The following CACNA2D3 variants were observed in gnomAD, a reference collection of about 807,000 sequenced individuals.
CACNA2D3 encodes voltage-dependent calcium channel subunit alpha-2/delta-3.
CACNA2D3 carries 60 observed loss-of-function variants against 160.6 expected under a neutral mutation model. The observed-to-expected ratio is 0.37, with a 90% confidence interval of 0.30 to 0.46. CACNA2D3 has a LOEUF of 0.46. Among genes scored for constraint, CACNA2D3 ranks in the 20% least tolerant of loss-of-function variants. The pLI, the probability that CACNA2D3 is intolerant of heterozygous loss-of-function variation, is 1.00. For synonymous variants in CACNA2D3, 558 were observed against 492.9 expected (o/e 1.13, Z -1.75); for missense variants, 1,205 against 1,365.0 (o/e 0.88, Z 1.85).
chr3:54,832,410 A>G (rs2106748576), intron 14 of CACNA2D3, among the ~76,000 whole-genome samples: 1 of 152,264 alleles, frequency 6.6e-6, no homozygotes, highest in South Asian at 2.1e-4. Context: ...GGACTTTCCT[A>G]AAGGAAGTGG....
rs76203691 is a variant in CACNA2D3, at chr3:54,158,065, C to G, written c.204+34471C>G. 4.2e-4 allele frequency among the ~76,000 whole-genome samples: 64 copies of G among 152,326 alleles called. 4 individuals carry two copies. In the East Asian group the frequency reaches 0.012, roughly 29 times the overall value. ...GAAGCACTGAAGATTGCCCTGTCTC[C>G]TGTGTTGCCTGTAATCTCTGGCCTT... On this transcript the variant is annotated intron_variant, in intron 2 of 37. Coordinates refer to ENST00000474759, the MANE Select transcript of CACNA2D3 (RefSeq NM_018398.3).
intron 11 of CACNA2D3, among the ~76,000 whole-genome samples, chr3:54,687,936 C>T (rs1700500385): frequency 6.6e-6 from 1 of 152,210 alleles, no homozygotes; most frequent in African/African-American, 2.4e-5. Context: ...ACACCTTAGC[C>T]AACAGGTTTT....
intron 4 of CACNA2D3, among the ~76,000 whole-genome samples, chr3:54,447,711 T>G (rs566557765): frequency 6.6e-6 from 1 of 152,336 alleles, no homozygotes; most frequent in South Asian, 2.1e-4. Context: ...ATCCTGACTT[T>G]CCTGTTCTTT....
chr3:54,807,340 A>G (rs925447282), intron 13 of CACNA2D3, among the ~76,000 whole-genome samples: 5 of 152,184 alleles, frequency 3.3e-5, no homozygotes, highest in African/African-American at 9.7e-5. Flanking sequence ...TCTACAATGA[A>G]CTCAAACAAA....
chr3:54,261,128 T>C (rs1194909176), intron 2 of CACNA2D3, among the ~76,000 whole-genome samples: 1 of 152,236 alleles, frequency 6.6e-6, no homozygotes, highest in Non-Finnish European at 1.5e-5. Flanking sequence ...AGCCTACTCA[T>C]TCCTCTGAGC....
intron 14 of CACNA2D3, among the ~76,000 whole-genome samples, chr3:54,833,078 A>G (rs1490650544): frequency 6.6e-6 from 1 of 152,206 alleles, no homozygotes; most frequent in Non-Finnish European, 1.5e-5. Context: ...TACATGCATG[A>G]TTAACTTGGG....
chr3:54,165,920 G>A (rs1455844074), intron 2 of CACNA2D3, among the ~76,000 whole-genome samples: 1 of 152,144 alleles, frequency 6.6e-6, no homozygotes, highest in Non-Finnish European at 1.5e-5. Context: ...GCAACCATGT[G>A]GTCACCAGAA....
chr3:54,757,646 G>T (rs1418465488), intron 12 of CACNA2D3, among the ~76,000 whole-genome samples: 1 of 152,216 alleles, frequency 6.6e-6, no homozygotes, highest in Non-Finnish European at 1.5e-5. Context: ...AGATGGTGAT[G>T]CTTGCTGTTA....
chr3:54,277,540 A>G (rs1057299765), intron 2 of CACNA2D3, among the ~76,000 whole-genome samples: 3 of 152,084 alleles, frequency 2.0e-5, no homozygotes, highest in Non-Finnish European at 2.9e-5. Context: ...GCCTTGTAGT[A>G]TAGTTTGAAG....
At chr3:54,677,510 C>T (rs543391677) in intron 11 of CACNA2D3, among the ~76,000 whole-genome samples, 8 of 151,826 alleles carry the variant, frequency 5.3e-5, no homozygotes, top group Non-Finnish European at 8.8e-5. Flanking sequence ...ATTTAACATT[C>T]CTTTGAAAGC....
intron 5 of CACNA2D3, among the ~76,000 whole-genome samples, chr3:54,558,198 C>T (rs1339247338): frequency 6.6e-6 from 1 of 152,136 alleles, no homozygotes; most frequent in Non-Finnish European, 1.5e-5. Context: ...CTCATCCGTC[C>T]TCACCCCTCC....
At chr3:54,299,260 G>A (rs1411014739) in intron 2 of CACNA2D3, among the ~76,000 whole-genome samples, 1 of 151,636 alleles carries the variant, frequency 6.6e-6, no homozygotes, top group Non-Finnish European at 1.5e-5. Flanking sequence ...CATAGCAGAG[G>A]CAGGGAGGAG....
At chr3:54,835,782 C>A (rs1299095856) in intron 14 of CACNA2D3, among the ~76,000 whole-genome samples, 1 of 152,158 alleles carries the variant, frequency 6.6e-6, no homozygotes, top group Non-Finnish European at 1.5e-5. Context: ...TGGTGCCTGT[C>A]AGCAGTGCCT....
chr3:55,051,829 C>G (rs796877820), intron 35 of CACNA2D3, among the ~76,000 whole-genome samples: 19 of 152,134 alleles, frequency 1.2e-4, no homozygotes, highest in African/African-American at 4.6e-4. Flanking sequence ...TTAAGCCCGT[C>G]GGAAAAGCGC....
chr3:54,995,280 A>G (rs1426590080), intron 31 of CACNA2D3, among the ~76,000 whole-genome samples: 1 of 152,156 alleles, frequency 6.6e-6, no homozygotes, highest in Non-Finnish European at 1.5e-5. Flanking sequence ...GGCCAAAGAA[A>G]GTTTTTTAAT....
chr3:54,906,309 T>G (rs1233613276), intron 27 of CACNA2D3, among the ~76,000 whole-genome samples: 1 of 151,864 alleles, frequency 6.6e-6, no homozygotes, highest in Non-Finnish European at 1.5e-5. Flanking sequence ...GGAGTAGGAT[T>G]AAGAGATGAA....
intron 2 of CACNA2D3, among the ~76,000 whole-genome samples, chr3:54,124,506 A>C: frequency 6.6e-6 from 1 of 152,232 alleles, no homozygotes; most frequent in East Asian, 1.9e-4. Context: ...AAATGGGTAC[A>C]AACAGCTTAA....
intron 4 of CACNA2D3, among the ~76,000 whole-genome samples, chr3:54,464,809 C>T (rs145076346): frequency 6.6e-6 from 1 of 152,338 alleles, no homozygotes; most frequent in East Asian, 1.9e-4. Flanking sequence ...CTGGCACTCC[C>T]TAGTGAGATG....
intron 27 of CACNA2D3, among the ~76,000 whole-genome samples, chr3:54,909,877 G>A (rs1357827081): frequency 6.6e-6 from 1 of 152,058 alleles, no homozygotes; most frequent in African/African-American, 2.4e-5. Context: ...TCTTCTTCCA[G>A]TGTGGCCCAC....
Sources: allele counts gnomAD v4.1 joint callset (sites outside exome capture counted in the v4.1 genomes callset), GRCh38; gene constraint gnomAD v4.1.1; transcripts MANE v1.5; gene names NCBI Gene and HGNC (gene_info 2026-07-23, HGNC 2026-07-21).